The following NPHS1 variants were observed in gnomAD, a reference collection of about 807,000 sequenced individuals.
NPHS1 encodes nephrin.
A neutral mutation model predicts 139.7 loss-of-function variants in NPHS1; 107 were observed. That is an observed-to-expected ratio of 0.77 (90% CI 0.66 to 0.90). The LOEUF (loss-of-function observed/expected upper bound fraction) is 0.90, where lower values mean the gene tolerates loss of function less well. Ranked by LOEUF, NPHS1 falls within the 40% of genes least tolerant of loss-of-function variation. The probability of loss-of-function intolerance (pLI) is 0.00; values close to 1 mark genes in which losing one functional copy is unlikely to be tolerated. For missense variants in NPHS1, 1,580 were observed against 1,654.2 expected (o/e 0.96, Z 0.78); for synonymous variants, 707 against 706.6 (o/e 1.00, Z -0.01).
At chr19:35,850,636 G>C (rs1338354712) in intron 4 of NPHS1, among the ~76,000 whole-genome samples, 191 bp from the exon 5 acceptor site, 1 of 152,140 alleles carries the variant, frequency 6.6e-6, no homozygotes, top group African/African-American at 2.4e-5. Flanking sequence ...TTCAGTGCTG[G>C]GTCCTGGGCC....
Position 35,850,442 on chromosome 19 carries a change from C to A in NPHS1, c.530G>T (p.Gly177Val). The A allele has an allele frequency of 6.2e-7, 1 of 1,613,980 alleles. No homozygotes were observed. Among genetic ancestry groups the A allele is most frequent in the Non-Finnish European group, 8.5e-7 (1 of 1,179,882 alleles). ...PAPDITILLS[G>V]QTISDISANV... ...TGCAGAGATGTCAGATATTGTCTGT[C>A]CACCTTGGGGCAGCAAGAGGGCTAG... The change falls in exon 5 of 29, where the codon GGA (glycine) becomes GTA (valine). Residue 177 changes from glycine (G) to valine (V), a missense_variant. By Grantham distance (109) the Gly-to-Val change is moderately radical (BLOSUM62 -3). Transcript: ENST00000378910.
At position 35,848,630 on chromosome 19, in the gene NPHS1, G is replaced by A. The variant is rs906888001; in HGVS notation, c.1170+7C>T. On this transcript the variant is annotated splice_region_variant and intron_variant, in intron 9 of 28. Coordinates refer to ENST00000378910, the MANE Select transcript of NPHS1 (RefSeq NM_004646.4). ...GCTCAGACCCAGGAGCCTGGCCCCC[G>A]CCTCACATCCATGACTGTCTCCTCC... 7 of 1,612,602 alleles carry A rather than the reference G, an allele frequency of 4.3e-6. No individual in the cohort carries two copies. Among genetic ancestry groups the A allele is most frequent in the Admixed American group, 3.3e-5 (2 of 59,938 alleles).
chr19:35,835,765 G>C lies in NPHS1; in HGVS notation c.3110-4C>G. On this transcript the variant is annotated splice_polypyrimidine_tract_variant and splice_region_variant and intron_variant, in intron 22 of 28. Coordinates refer to ENST00000378910, the MANE Select transcript of NPHS1 (RefSeq NM_004646.4). ...TCTCCAGAAGGCTGGTGGAGACCTG[G>C]GGGGTGGATATACAGATTGTGACTT... is the stretch of plus-strand genomic sequence containing the variant. 6.2e-7 allele frequency: 1 copy of C among 1,613,282 alleles called. No homozygotes were observed. The highest frequency in any genetic ancestry group is 1.1e-5 in the South Asian group (1 of 91,072).
In NPHS1 at chr19:35,850,440, G is replaced by C; in HGVS notation, c.532C>G (p.Gln178Glu). Residue 178 changes from glutamine (Q) to glutamate (E), a missense_variant, in exon 5 of 29, where the codon CAG becomes GAG. Coordinates refer to ENST00000378910, the MANE Select transcript of NPHS1 (RefSeq NM_004646.4). The part of the protein sequence containing the change: ...APDITILLSG[Q>E]TISDISANVN... ...TTTGCAGAGATGTCAGATATTGTCT[G>C]TCCACCTTGGGGCAGCAAGAGGGCT... The C allele has an allele frequency of 6.2e-7, 1 of 1,613,974 alleles. No homozygotes were observed.
chr19:35,839,429 G>C lies in NPHS1; in HGVS notation c.2928-11C>G, dbSNP rs1261358174. 1.9e-6 allele frequency: 3 copies of C among 1,613,992 alleles called. No homozygotes were observed. The highest frequency in any genetic ancestry group is 1.7e-5 in the Admixed American group (1 of 60,016). ...CCCAGGGCCTCATACCTGCAGGACA[G>C]GGGGATAGTAAATTCAGGGAAGTGC... is the stretch of plus-strand genomic sequence containing the variant. On this transcript the variant is annotated splice_polypyrimidine_tract_variant and intron_variant, in intron 21 of 28. Coordinates refer to ENST00000378910, the MANE Select transcript of NPHS1 (RefSeq NM_004646.4).
intron 22 of NPHS1, 43 bp from the exon 23 acceptor site, chr19:35,835,804 T>A: frequency 3.3e-6 from 5 of 1,536,954 alleles, no homozygotes; most frequent in Non-Finnish European, 4.5e-6. Flanking sequence ...ACTAAGAATC[T>A]GAGATAAGCT....
chr19:35,843,699 G>T (rs1568453733), intron 16 of NPHS1, 106 bp from the exon 17 acceptor site: 1 of 1,439,416 alleles, frequency 6.9e-7, no homozygotes, highest in Non-Finnish European at 9.6e-7. Flanking sequence ...GAAAGTTATG[G>T]GTGTGGACAC....
rs115333628 is a variant in NPHS1, at chr19:35,849,604, A to C, written c.658T>G (p.Ser220Ala). 2,514 of 1,614,110 alleles carry C rather than the reference A, an allele frequency of 1.6e-3. 2 individuals are homozygous for C. Among genetic ancestry groups the C allele is most frequent in the Non-Finnish European group, 1.9e-3 (2,295 of 1,179,994 alleles). The change falls in exon 6 of 29, where the codon TCT (serine) becomes GCT (alanine). Residue 220 changes from serine to alanine, a missense_variant. Ser to Ala is a moderately conservative substitution (Grantham distance 99, BLOSUM62 1). Transcript: ENST00000378910. ...ATGGGGGCCTCCAGTGCTGGGCTAG[A>C]CGCCTCACAGACCAGCAACTGCCTA... ...DNRQLLVCEASSPALEAPIKA... is the reference protein window; with the variant it reads ...DNRQLLVCEAASPALEAPIKA...
chr19:35,831,158 A>G lies in NPHS1; in HGVS notation c.3388-12T>C. The G allele has an allele frequency of 6.2e-7, 1 of 1,613,678 alleles. No individual in the cohort carries two copies. The highest frequency in any genetic ancestry group is 8.5e-7 in the Non-Finnish European group (1 of 1,179,850). On this transcript the variant is annotated splice_polypyrimidine_tract_variant and intron_variant, in intron 26 of 28. Coordinates refer to ENST00000378910, the MANE Select transcript of NPHS1 (RefSeq NM_004646.4). ...TCTGTTGTGCTGACCTGTTCCCCAC[A>G]CGCAAAACAAACAAAGCCCTTTCCA...
At chr19:35,831,260 C>T (rs760528897) in intron 26 of NPHS1, 36 bp downstream of exon 26, 9 of 1,612,420 alleles carry the variant, frequency 5.6e-6, no homozygotes, top group South Asian at 1.1e-5. Flanking sequence ...CCGTCGGTGC[C>T]CTGATTGTGG....
chr19:35,850,253 G>A, intron 5 of NPHS1, 111 bp downstream of exon 5: 2 of 822,244 alleles, frequency 2.4e-6, no homozygotes, highest in Admixed American at 3.8e-5. Context: ...TGAAGAATTG[G>A]GTCCCAGATG....
chr19:35,846,619 TC>T (rs921602792), intron 11 of NPHS1, among the ~76,000 whole-genome samples: 2 of 152,236 alleles, frequency 1.3e-5, no homozygotes, highest in Non-Finnish European at 2.9e-5. Context: ...ATTCCTGCTG[TC>T]CCCAAAGATT....
In NPHS1 at chr19:35,847,344, C is replaced by CGTTT. The variant is rs1415972546; in HGVS notation, c.1440+696_1440+697insAAAC. 3.3e-5 allele frequency among the ~76,000 whole-genome samples: 2 copies of CGTTT among 59,882 alleles called. 1 individual carries two copies. The highest frequency in any genetic ancestry group is 1.6e-4 in the African/African-American group (2 of 12,152). 39.3% of individuals were successfully genotyped at this position (59,882 alleles called of 152,430 possible). ...ACAGGCGTGAGCCACTGTGCCCAGC[C>CGTTT]TTTTTTTTTTTTTTTTTTTTTTTTT... is the stretch of plus-strand genomic sequence containing the variant. On this transcript the variant is annotated intron_variant, in intron 11 of 28. Coordinates refer to ENST00000378910, the MANE Select transcript of NPHS1 (RefSeq NM_004646.4).
intron 22 of NPHS1, 117 bp downstream of exon 22, chr19:35,839,120 G>T: frequency 1.0e-6 from 1 of 964,624 alleles, no homozygotes; most frequent in Non-Finnish European, 1.7e-6. Flanking sequence ...TGGACAATTT[G>T]CTTAACAGCT....
In NPHS1 at chr19:35,845,728, T is replaced by A. The variant is rs748014853; in HGVS notation, c.1698A>T (p.Thr566=). 2 of 1,614,122 alleles carry A rather than the reference T, an allele frequency of 1.2e-6. No homozygotes were observed. Among genetic ancestry groups the A allele is most frequent in the Admixed American group, 1.7e-5 (1 of 60,026 alleles). Residue 566 remains threonine (T), a synonymous_variant, in exon 13 of 29, where the codon ACA becomes ACT. Coordinates refer to ENST00000378910, the MANE Select transcript of NPHS1 (RefSeq NM_004646.4). This position sits in a 1 kb window ranked among gnomAD's most constrained non-coding sequence, Gnocchi z 5.5. The stretch of plus-strand genomic sequence containing the variant: ...GCGGATTGCTGCTGACGCTGACGCA[T>A]GTCAAGTTTAAGGCGTCTCCCGGGC... The part of the protein sequence containing the change: ...ALRPGDALNL[T]CVSVSSNPPV...
rs1972790230 is a variant in NPHS1 at position 35,825,524 on chromosome 19, A to T, written c.*990T>A. Among the ~76,000 whole-genome samples, 1 of 152,188 alleles carries T rather than the reference A, an allele frequency of 6.6e-6. No homozygotes were observed. Among genetic ancestry groups the T allele is most frequent in the South Asian group, 2.1e-4 (1 of 4,830 alleles). Reference sequence around the variant, plus strand: ...ATAGAATATTTCCAACACCTCAGAAAGTTCTCCCATGCCTTTTTGCAGTCA... The same window carrying T: ...ATAGAATATTTCCAACACCTCAGAATGTTCTCCCATGCCTTTTTGCAGTCA... On this transcript the variant is annotated 3_prime_UTR_variant, in exon 29 of 29. Transcript: ENST00000378910.
Position 35,852,194 on chromosome 19 carries a change from G to A in NPHS1, c.-357C>T, listed in dbSNP as rs1973288252. Among the ~76,000 whole-genome samples the A allele has an allele frequency of 6.7e-6, 1 of 148,692 alleles. No homozygotes were observed. The highest frequency in any genetic ancestry group is 6.8e-5 in the Admixed American group (1 of 14,782). On this transcript the variant is annotated 5_prime_UTR_variant, in exon 1 of 29. Transcript: ENST00000378910. ...TCCTCCCACCTTGGCCTCCCCAAGT[G>A]TTGGGATTACAGGCGTGAGCCACTG...
At chr19:35,826,689 G>T in intron 28 of NPHS1, 44 bp from the exon 29 acceptor site, 2 of 1,611,800 alleles carry the variant, frequency 1.2e-6, no homozygotes, top group Non-Finnish European at 8.5e-7. Context: ...GAGATGCCCT[G>T]TAGGTCTTCA....
chr19:35,848,645 C>T lies in NPHS1; in HGVS notation c.1162G>A (p.Val388Ile). The change falls in exon 9 of 29, where the codon GTC becomes ATC. Residue 388 changes from valine (V) to isoleucine (I), a missense_variant. By Grantham distance (29) the Val-to-Ile change is conservative (BLOSUM62 3). Coordinates refer to ENST00000378910, the MANE Select transcript of NPHS1 (RefSeq NM_004646.4). ...WRQLLPMEET[V>I]MDGLHGGHIS... ...CCTGGCCCCCGCCTCACATCCATGA[C>T]TGTCTCCTCCATGGGCAGCAGCTGC... 1 of 1,613,754 alleles carries T rather than the reference C, an allele frequency of 6.2e-7. No individual in the cohort carries two copies.
Sources: gnomAD v4.1 joint callset for allele counts (sites outside exome capture counted in the v4.1 genomes callset) on GRCh38, gnomAD v4.1.1 for gene constraint, Gnocchi (gnomAD v3.1) non-coding constraint, MANE v1.5 for transcripts, NCBI Gene and HGNC (gene_info 2026-07-23, HGNC 2026-07-21) for gene names.